The following ZNF182 variants were observed in gnomAD, a reference collection of about 807,000 sequenced individuals.
The protein encoded by ZNF182 is zinc finger protein 182.
A neutral mutation model predicts 28.1 loss-of-function variants in ZNF182; 10 were observed. That is an observed-to-expected ratio of 0.36 (90% CI 0.22 to 0.60). The LOEUF is 0.60. ZNF182 is among the 20% of genes least tolerant of loss of function. The pLI is 0.75. For synonymous variants in ZNF182, 156 were observed against 158.7 expected (o/e 0.98, Z 0.13); for missense variants, 352 against 453.2 (o/e 0.78, Z 2.03).
chrX:47,999,519 G>A (rs1431028069), intron 3 of ZNF182, among the ~76,000 whole-genome samples: 3 of 109,290 alleles, frequency 2.7e-5, no homozygotes, highest in African/African-American at 1.0e-4. Flanking sequence ...TACAAGTAGA[G>A]TTGTTCTCAT....
At chrX:47,979,888 T>A (rs1245597528) in intron 5 of ZNF182, among the ~76,000 whole-genome samples, 1 of 107,427 alleles carries the variant, frequency 9.3e-6, no homozygotes, top group Non-Finnish European at 1.9e-5. Flanking sequence ...TGTGTGTGTG[T>A]GTGTGTGTGT....
chrX:47,982,520 G>A lies in ZNF182; in HGVS notation c.232+429C>T, dbSNP rs58597386. 5.7e-3 allele frequency among the ~76,000 whole-genome samples: 642 copies of A among 112,136 alleles called. 7 individuals are homozygous for A. Among genetic ancestry groups the A allele is most frequent in the African/African-American group, 0.019 (596 of 30,922 alleles). ...AAAAAATAGATAAGATGTTTTAGGA[G>A]AGCAAATCTGACAAATATCTAAACT... On this transcript the variant is annotated intron_variant, in intron 5 of 5. Coordinates refer to ENST00000376943, the MANE Select transcript of ZNF182 (RefSeq NM_001007088.2).
chrX:48,001,234 GA>G (rs1477384743), intron 3 of ZNF182, among the ~76,000 whole-genome samples: 2 of 112,547 alleles, frequency 1.8e-5, no homozygotes, highest in Non-Finnish European at 3.7e-5. Flanking sequence ...CCCTGTGCAT[GA>G]TTGTTTAAAG....
chrX:47,999,698 G>T (rs1556901662), intron 3 of ZNF182, among the ~76,000 whole-genome samples: 1 of 112,271 alleles, frequency 8.9e-6, no homozygotes, highest in Non-Finnish European at 1.9e-5. Flanking sequence ...CAAATAGCTA[G>T]AAATTTTTGA....
intron 3 of ZNF182, among the ~76,000 whole-genome samples, chrX:47,996,178 T>C (rs1556901066): frequency 8.9e-6 from 1 of 112,076 alleles, no homozygotes; most frequent in African/African-American, 3.2e-5. Flanking sequence ...GAAATTTCAA[T>C]GTATGTGAAA....
chrX:47,992,723 G>T (rs1339479589), intron 3 of ZNF182, among the ~76,000 whole-genome samples: 1 of 111,260 alleles, frequency 9.0e-6, no homozygotes, highest in Non-Finnish European at 1.9e-5. Flanking sequence ...CTACCTCCGT[G>T]ACTTTCTGTG....
Position 47,983,299 on chromosome X carries a change from T to C in ZNF182, c.128A>G (p.Asn43Ser), listed in dbSNP as rs146965366. 2.4e-4 allele frequency: 289 copies of C among 1,209,588 alleles called. 1 individual carries two copies. The highest frequency in any genetic ancestry group is 3.1e-4 in the Non-Finnish European group (274 of 895,077). The change falls in exon 4 of 6, where the codon AAC (asparagine) becomes AGC (serine). Residue 43 changes from asparagine to serine, a missense_variant. Transcript: ENST00000376943. ...GCTATTCTTACCCACAAAGACCAAGTTGCTGTAGGTCTCCAGCATCACGTC... is the reference window on the plus strand; with the variant it reads ...GCTATTCTTACCCACAAAGACCAAGCTGCTGTAGGTCTCCAGCATCACGTC... ...YRDVMLETYSNLVFVGQQVTK... is the reference protein window; with the variant it reads ...YRDVMLETYSSLVFVGQQVTK...
chrX:47,997,041 T>C (rs2058960861), intron 3 of ZNF182, among the ~76,000 whole-genome samples: 1 of 111,500 alleles, frequency 9.0e-6, no homozygotes, highest in African/African-American at 3.3e-5. Context: ...TAAAAGAATA[T>C]ACTGGCCGGG....
At chrX:47,985,283 A>G (rs1372754900) in intron 3 of ZNF182, among the ~76,000 whole-genome samples, 1 of 112,713 alleles carries the variant, frequency 8.9e-6, no homozygotes, top group African/African-American at 3.2e-5. Flanking sequence ...ATGCAACGAC[A>G]TGGATGAACT....
Position 47,983,348 on chromosome X carries a change from G to A in ZNF182, c.79C>T (p.Pro27Ser), listed in dbSNP as rs1556899383. The change falls in exon 4 of 6, where the codon CCA (proline) becomes TCA (serine). Residue 27 changes from proline to serine, a missense_variant. Physicochemically the swap from Pro to Ser is moderately conservative, Grantham distance 74 (BLOSUM62 -1). Coordinates refer to ENST00000376943, the MANE Select transcript of ZNF182 (RefSeq NM_001007088.2). ...TCTCTGTACAGGGTCCTCTGTGGTG[G>A]GTTCAGGTACTGCCACTCCTCCTGG... ...FTQEEWQYLN[P>S]PQRTLYRDVM... 1.7e-6 allele frequency: 2 copies of A among 1,210,857 alleles called. No homozygotes were observed. Among genetic ancestry groups the A allele is most frequent in the East Asian group, 3.0e-5 (1 of 33,817 alleles).
rs782567598 is a variant in ZNF182, at chrX:47,976,438, G to A, written c.1592C>T (p.Ala531Val). The change falls in exon 6 of 6, where the codon GCT becomes GTT. Residue 531 changes from alanine (A) to valine (V), a missense_variant. Transcript: ENST00000376943. The part of the protein sequence containing the change: ...KPYECPVCWK[A>V]FSQKSQLIIH... ...TATGAGCTGTGACTTCTGGCTAAAA[G>A]CTTTCCAACACACAGGACATTCATA... 4.0e-4 allele frequency: 479 copies of A among 1,209,970 alleles called. No individual in the cohort carries two copies. The highest frequency in any genetic ancestry group is 5.1e-4 in the Non-Finnish European group (454 of 895,307).
chrX:47,974,930 A>G lies in ZNF182; in HGVS notation c.*1237T>C, dbSNP rs2058877117. Reference sequence around the variant, plus strand: ...TACACCCACATTTTCAAAAGCTATGAAAGGATACAGTTGTCTCCCTCTCAA... The same window carrying G: ...TACACCCACATTTTCAAAAGCTATGGAAGGATACAGTTGTCTCCCTCTCAA... On this transcript the variant is annotated 3_prime_UTR_variant, in exon 6 of 6. Coordinates refer to ENST00000376943, the MANE Select transcript of ZNF182 (RefSeq NM_001007088.2). The G allele has an allele frequency of 8.9e-6, 1 of 111,805 alleles. No homozygotes were observed. The highest frequency in any genetic ancestry group is 1.9e-5 in the Non-Finnish European group (1 of 53,184). The allele number at this position is 111,805 out of a possible 1,213,427, so 9.2% of individuals were successfully genotyped here. A position where few individuals can be genotyped will look rare whatever the true frequency, so the allele number is the denominator to read the frequency against.
chrX:47,980,494 A>G (rs967245120), intron 5 of ZNF182, among the ~76,000 whole-genome samples: 1 of 112,197 alleles, frequency 8.9e-6, no homozygotes, highest in Non-Finnish European at 1.9e-5. Flanking sequence ...TGATGAATAT[A>G]CTAATTACCC....
intron 4 of ZNF182, 66 bp downstream of exon 4, chrX:47,983,219 A>G: frequency 8.4e-7 from 1 of 1,194,357 alleles, no homozygotes; most frequent in Non-Finnish European, 1.1e-6. Flanking sequence ...GAACTGAGAA[A>G]GGAAATGCCT....
At chrX:47,988,949 G>C (rs966350114) in intron 3 of ZNF182, among the ~76,000 whole-genome samples, 1 of 112,010 alleles carries the variant, frequency 8.9e-6, no homozygotes, top group Non-Finnish European at 1.9e-5. Context: ...AACTGATTCA[G>C]GCAAGATTAA....
chrX:47,988,207 C>T (rs781809985), intron 3 of ZNF182, among the ~76,000 whole-genome samples: 1 of 110,728 alleles, frequency 9.0e-6, no homozygotes, highest in South Asian at 3.9e-4. Flanking sequence ...ATCCCAGCTA[C>T]TCAGGAGGCT....
Position 47,976,904 on chromosome X carries a change from T to A in ZNF182, c.1126A>T (p.Thr376Ser). ...TTATGAGGTTTCTCTCCCGTATGAG[T>A]TCTCTGGTGTATAATGAGAGTTGAC... The part of the protein sequence containing the change: ...DKSTLIIHQR[T>S]HTGEKPHKCT... Residue 376 changes from threonine (T) to serine (S), a missense_variant, in exon 6 of 6, where the codon ACT becomes TCT. Thr to Ser is a moderately conservative substitution (Grantham distance 58, BLOSUM62 1). Coordinates refer to ENST00000376943, the MANE Select transcript of ZNF182 (RefSeq NM_001007088.2). 2.5e-6 allele frequency: 3 copies of A among 1,209,748 alleles called. No homozygotes were observed. Among genetic ancestry groups the A allele is most frequent in the Non-Finnish European group, 3.4e-6 (3 of 894,905 alleles).
intron 5 of ZNF182, among the ~76,000 whole-genome samples, chrX:47,982,254 G>T (rs1417236515): frequency 1.8e-5 from 2 of 111,942 alleles, no homozygotes; most frequent in African/African-American, 6.5e-5. Flanking sequence ...TAAATAAAAT[G>T]TCCAGAACAG....
At chrX:47,985,124 T>G (rs2058919359) in intron 3 of ZNF182, among the ~76,000 whole-genome samples, 2 of 112,065 alleles carry the variant, frequency 1.8e-5, no homozygotes, top group African/African-American at 6.5e-5. Context: ...TAAAAGCCTG[T>G]ACATGAACAT....
Sources: gnomAD v4.1 joint callset for allele counts (sites outside exome capture counted in the v4.1 genomes callset) on GRCh38, gnomAD v4.1.1 for gene constraint, MANE v1.5 for transcripts, NCBI Gene and HGNC (gene_info 2026-07-23, HGNC 2026-07-21) for gene names.